The following JAKMIP1 variants were observed in gnomAD, a reference collection of about 807,000 sequenced individuals.
The protein encoded by JAKMIP1 is janus kinase and microtubule interacting protein 1, also known as janus kinase and microtubule-interacting protein 1.
JAKMIP1 carries 33 observed loss-of-function variants against 113.0 expected under a neutral mutation model. The observed-to-expected ratio is 0.29, with a 90% CI of 0.22 to 0.39. The LOEUF is 0.39. Ranked by LOEUF, JAKMIP1 falls within the 10% of genes least tolerant of loss-of-function variation. The probability of loss-of-function intolerance (pLI) is 1.00; values close to 1 mark genes in which losing one functional copy is unlikely to be tolerated. For synonymous variants in JAKMIP1, 480 were observed against 459.9 expected, an observed-to-expected ratio of 1.04 and a Z score of -0.56; for missense variants, 813 against 1,080.5, an observed-to-expected ratio of 0.75 and a Z score of 3.47.
intron 1 of JAKMIP1, among the ~76,000 whole-genome samples, chr4:6,159,365 C>T (rs73198091): frequency 0.19 from 28,466 of 151,846 alleles, 3,073 homozygotes; most frequent in Non-Finnish European, 0.24. Flanking sequence ...AATTTTAAAT[C>T]TCTGTACAGC....
chr4:6,105,811 C>T lies in JAKMIP1; in HGVS notation c.286G>A (p.Glu96Lys). 2.5e-6 allele frequency: 4 copies of T among 1,610,136 alleles called. No individual in the cohort carries two copies. The highest frequency in any genetic ancestry group is 2.2e-5 in the East Asian group (1 of 44,854). ...TTGGCGGTGCGCGCCGCCTCCTGCT[C>T]GTGCTGCCGGATGAGCCCCTCGCGC... ...ALREGLIRQH[E>K]QEAARTAKIK... Residue 96 changes from glutamate (E) to lysine (K), a missense_variant, in exon 3 of 21, where the codon GAG (glutamate) becomes AAG (lysine). Glu to Lys is a moderately conservative substitution (Grantham distance 56). This residue lies in a region of JAKMIP1 where 540 missense variants were observed against 653.9 expected (regional missense o/e 0.83). Coordinates refer to ENST00000409021, the MANE Select transcript of JAKMIP1 (RefSeq NM_001099433.2).
chr4:6,060,589 G>C (rs753184177), intron 10 of JAKMIP1, 82 bp from the exon 11 acceptor site: 1 of 1,009,224 alleles, frequency 9.9e-7, no homozygotes, highest in Non-Finnish European at 1.6e-6. Flanking sequence ...CCCAATGCAA[G>C]CAATGCCTAG....
chr4:6,161,636 TG>T (rs1023799546), intron 1 of JAKMIP1, among the ~76,000 whole-genome samples: 14 of 151,968 alleles, frequency 9.2e-5, no homozygotes, highest in Non-Finnish European at 1.9e-4. Context: ...ACAGAGGGTC[TG>T]GGTCTCCGAG....
rs572338955 is a variant in JAKMIP1, at chr4:6,150,706, C to A, written c.-147-37709G>T. On this transcript the variant is annotated intron_variant, in intron 1 of 20. Coordinates refer to ENST00000409021, the MANE Select transcript of JAKMIP1 (RefSeq NM_001099433.2). This position sits in a 1 kb window ranked among gnomAD's most constrained non-coding sequence, Gnocchi z 4.8. ...GCCCCAGAAAACTGCCCTGATGCTA[C>A]AGGTAGGAAGAAAAATCTTTTAAAA... Among the ~76,000 whole-genome samples the A allele has an allele frequency of 6.6e-6, 1 of 152,294 alleles. No homozygotes were observed. Among genetic ancestry groups the A allele is most frequent in the South Asian group, 2.1e-4 (1 of 4,820 alleles).
At chr4:6,170,277 T>TCAC (rs1338634626) in intron 1 of JAKMIP1, among the ~76,000 whole-genome samples, 4 of 93,054 alleles carry the variant, frequency 4.3e-5, no homozygotes, top group Non-Finnish European at 6.8e-5. Context: ...ACCACCACCA[T>TCAC]CACCACCACC....
chr4:6,034,897 G>GC (rs376646479), intron 19 of JAKMIP1, among the ~76,000 whole-genome samples: 11 of 152,162 alleles, frequency 7.2e-5, no homozygotes, highest in African/African-American at 2.7e-4. Context: ...AAGCAGATGA[G>GC]CCTCCATAAT....
In JAKMIP1 at chr4:6,116,706, A is replaced by C. The variant is rs1578281361; in HGVS notation, c.-147-3709T>G. ...GGTGCCCTTTAACTGCCTACAGGAA[A>C]TTAATATACCGGGCATGCAGGAGGA... On this transcript the variant is annotated intron_variant, in intron 1 of 20. Coordinates refer to ENST00000409021, the MANE Select transcript of JAKMIP1 (RefSeq NM_001099433.2). The surrounding 1 kb of genome is among the most constrained non-coding windows in gnomAD (Gnocchi z 5.1). Among the ~76,000 whole-genome samples the C allele has an allele frequency of 6.6e-6, 1 of 152,176 alleles. No individual in the cohort carries two copies. The highest frequency in any genetic ancestry group is 2.4e-5 in the African/African-American group (1 of 41,456).
At position 6,088,778 on chromosome 4, in the gene JAKMIP1, G is replaced by T. The variant is rs983860087; in HGVS notation, c.625-3149C>A. ...TTAGTGATCCTATCTCGCTGCCCTT[G>T]GGATGCTGATGAAATCTCAAGCTTC... On this transcript the variant is annotated intron_variant, in intron 3 of 20. Coordinates refer to ENST00000409021, the MANE Select transcript of JAKMIP1 (RefSeq NM_001099433.2). The surrounding 1 kb of genome is among the most constrained non-coding windows in gnomAD (Gnocchi z 5.5). Among the ~76,000 whole-genome samples, 5 of 152,086 alleles carry T rather than the reference G, an allele frequency of 3.3e-5. No individual in the cohort carries two copies. The highest frequency in any genetic ancestry group is 7.3e-5 in the Non-Finnish European group (5 of 68,032).
chr4:6,080,020 C>T lies in JAKMIP1; in HGVS notation c.1242+152G>A. The T allele has an allele frequency of 1.3e-6, 1 of 799,674 alleles. No homozygotes were observed. The highest frequency in any genetic ancestry group is 1.9e-6 in the Non-Finnish European group (1 of 523,892). The allele number at this position is 799,674 out of a possible 1,614,324, so 49.5% of individuals were successfully genotyped here. A position where few individuals can be genotyped will look rare whatever the true frequency, so the allele number is the denominator to read the frequency against. ...GCAGAATGAAGCGGGAATGTGCACACCAGGGTGAGCTTGGTGAGTCCCAAA... is the reference window on the plus strand; with the variant it reads ...GCAGAATGAAGCGGGAATGTGCACATCAGGGTGAGCTTGGTGAGTCCCAAA... On this transcript the variant is annotated intron_variant, in intron 7 of 20. Transcript: ENST00000409021. The surrounding 1 kb of genome is among the most constrained non-coding windows in gnomAD (Gnocchi z 6.0).
At chr4:6,151,044 C>G (rs1401798886) in intron 1 of JAKMIP1, among the ~76,000 whole-genome samples, 1 of 152,150 alleles carries the variant, frequency 6.6e-6, no homozygotes, top group African/African-American at 2.4e-5. Flanking sequence ...GCAGCGCCCC[C>G]GCCATACCTT....
chr4:6,090,530 C>T (rs1560169053), intron 3 of JAKMIP1, among the ~76,000 whole-genome samples: 1 of 152,212 alleles, frequency 6.6e-6, no homozygotes, highest in Non-Finnish European at 1.5e-5. Flanking sequence ...CAGAGCACCA[C>T]ACCAGGGTTT....
intron 8 of JAKMIP1, among the ~76,000 whole-genome samples, chr4:6,078,588 T>C (rs1720025093): frequency 6.6e-6 from 1 of 152,132 alleles, no homozygotes; most frequent in Non-Finnish European, 1.5e-5. Context: ...GCTCCTGATT[T>C]TTTTAGAACA....
At position 6,167,851 on chromosome 4, in the gene JAKMIP1, G is replaced by A. The variant is rs561067954; in HGVS notation, c.-148+32402C>T. Among the ~76,000 whole-genome samples the A allele has an allele frequency of 1.1e-4, 17 of 152,316 alleles. No homozygotes were observed. Among genetic ancestry groups the A allele is most frequent in the African/African-American group, 3.4e-4 (14 of 41,558 alleles). On this transcript the variant is annotated intron_variant, in intron 1 of 20. Coordinates refer to ENST00000409021, the MANE Select transcript of JAKMIP1 (RefSeq NM_001099433.2). The surrounding 1 kb of genome is among the most constrained non-coding windows in gnomAD (Gnocchi z 5.3). ...GACATCTGAGTGCACTGAATGCTTCGGTTTAGAGCATGCCAGAAATCAGAG... is the reference window on the plus strand; with the variant it reads ...GACATCTGAGTGCACTGAATGCTTCAGTTTAGAGCATGCCAGAAATCAGAG...
At position 6,085,696 on chromosome 4, in the gene JAKMIP1, T is replaced by C. The variant is rs150632240; in HGVS notation, c.625-67A>G. The C allele has an allele frequency of 2.2e-3, 3,204 of 1,484,904 alleles. 61 individuals are homozygous for C. The African/African-American group carries it at 0.039, about 18-fold the overall frequency. 92.0% of individuals were successfully genotyped at this position (1,484,904 alleles called of 1,614,324 possible). A position where few individuals can be genotyped will look rare whatever the true frequency, so the allele number is the denominator to read the frequency against. ...TGACCAAGGAAATCTCTCCCCAAAT[T>C]GGGGCCTTCGGCCCAGGGAAAGGTC... is the stretch of plus-strand genomic sequence containing the variant. On this transcript the variant is annotated intron_variant, in intron 3 of 20. Transcript: ENST00000409021.
intron 3 of JAKMIP1, among the ~76,000 whole-genome samples, chr4:6,099,271 G>A (rs780594565): frequency 1.4e-4 from 22 of 152,000 alleles, no homozygotes; most frequent in Non-Finnish European, 2.8e-4. Flanking sequence ...CATTTGTCTC[G>A]TCTGTTTTTT....
rs1251174607 is a variant in JAKMIP1, at chr4:6,137,834, C to T, written c.-147-24837G>A. Among the ~76,000 whole-genome samples, 1 of 152,254 alleles carries T rather than the reference C, an allele frequency of 6.6e-6. No individual in the cohort carries two copies. The highest frequency in any genetic ancestry group is 1.9e-4 in the East Asian group (1 of 5,200). On this transcript the variant is annotated intron_variant, in intron 1 of 20. Transcript: ENST00000409021. This position sits in a 1 kb window ranked among gnomAD's most constrained non-coding sequence, Gnocchi z 4.5. ...CAAGGTGCCCACTGGCTGGCATGGG[C>T]CTGGCAGACAAGGTGTGCTCTGGCG...
rs1254613070 is a variant in JAKMIP1, at chr4:6,064,981, A to T, written c.1330T>A (p.Phe444Ile). Reference sequence around the variant, plus strand: ...TCTGAGTCCACAGACTCCTCATCAAATCCAAAAAATGTCTCCACAACATGC... The same window carrying T: ...TCTGAGTCCACAGACTCCTCATCAATTCCAAAAAATGTCTCCACAACATGC... ...KKHVVETFFG[F>I]DEESVDSETL... Residue 444 changes from phenylalanine to isoleucine, a missense_variant, in exon 9 of 21, where the codon TTT (phenylalanine) becomes ATT (isoleucine). Phe to Ile is a conservative substitution (Grantham distance 21). Transcript: ENST00000409021. This position sits in a 1 kb window ranked among gnomAD's most constrained non-coding sequence, Gnocchi z 4.3. 6.2e-7 allele frequency: 1 copy of T among 1,614,102 alleles called. No individual in the cohort carries two copies. Among genetic ancestry groups the T allele is most frequent in the South Asian group, 1.1e-5 (1 of 91,076 alleles).
rs887043253 is a variant in JAKMIP1 at position 6,178,942 on chromosome 4, C to T, written c.-148+21311G>A. ...CAGTGCCTGGCTCGGAGAGCACACT[C>T]GGTCATTCATTTATGAATTGTTTCT... On this transcript the variant is annotated intron_variant, in intron 1 of 20. Coordinates refer to ENST00000409021, the MANE Select transcript of JAKMIP1 (RefSeq NM_001099433.2). The surrounding 1 kb of genome is among the most constrained non-coding windows in gnomAD (Gnocchi z 5.5). Among the ~76,000 whole-genome samples the T allele has an allele frequency of 2.6e-4, 39 of 152,200 alleles. No homozygotes were observed. The highest frequency in any genetic ancestry group is 9.2e-4 in the African/African-American group (38 of 41,444).
intron 1 of JAKMIP1, among the ~76,000 whole-genome samples, chr4:6,177,278 C>T (rs75429247): frequency 6.6e-6 from 1 of 152,170 alleles, no homozygotes; most frequent in East Asian, 1.9e-4. Context: ...CCGACCTCCC[C>T]ATTGCACAGA....
Sources: allele counts gnomAD v4.1 joint callset (sites outside exome capture counted in the v4.1 genomes callset), GRCh38; gene constraint gnomAD v4.1.1; regional missense constraint gnomAD v4.1.1; non-coding constraint Gnocchi (gnomAD v3.1); transcripts MANE v1.5; gene names NCBI Gene and HGNC (gene_info 2026-07-23, HGNC 2026-07-21).